The following CYP20A1 variants were observed in gnomAD, a reference collection of about 807,000 sequenced individuals.
CYP20A1 encodes the protein cytochrome P450 20A1.
CYP20A1 carries 61 observed loss-of-function variants against 61.4 expected under a neutral mutation model. The observed-to-expected ratio is 0.99, with a 90% CI of 0.81 to 1.23. CYP20A1 has a LOEUF of 1.23. Among genes scored for constraint, CYP20A1 ranks in the 50% most tolerant of loss-of-function variants. The probability of loss-of-function intolerance (pLI) is 0.00; values close to 1 mark genes in which losing one functional copy is unlikely to be tolerated. For missense variants in CYP20A1, 530 were observed against 542.4 expected, an observed-to-expected ratio of 0.98 and a Z score of 0.23; for synonymous variants, 193 against 188.2, an observed-to-expected ratio of 1.03 and a Z score of -0.21.
intron 6 of CYP20A1, among the ~76,000 whole-genome samples, chr2:203,276,223 T>G (rs1309277806): frequency 6.6e-6 from 1 of 151,896 alleles, no homozygotes; most frequent in East Asian, 1.9e-4. Context: ...ATGAAGTGAG[T>G]GAGAAGAGGA....
rs114580826 is a variant in CYP20A1, at chr2:203,246,600, A to G, written c.123-155A>G. 3.9e-3 allele frequency among the ~76,000 whole-genome samples: 591 copies of G among 152,354 alleles called. 3 individuals are homozygous for G. The highest frequency in any genetic ancestry group is 0.013 in the African/African-American group (542 of 41,582). ...AATATAACTATAGAAATATAGCAAG[A>G]AGGCAAATATAATTGAGTTTTGGAT... is the stretch of plus-strand genomic sequence containing the variant. On this transcript the variant is annotated intron_variant, in intron 2 of 12. Coordinates refer to ENST00000356079, the MANE Select transcript of CYP20A1 (RefSeq NM_177538.3).
intron 8 of CYP20A1, among the ~76,000 whole-genome samples, chr2:203,284,460 A>G (rs536369552): frequency 1.3e-5 from 2 of 152,178 alleles, no homozygotes; most frequent in African/African-American, 4.8e-5. Context: ...TTTTTTCTCA[A>G]CATGTAATTT....
intron 2 of CYP20A1, among the ~76,000 whole-genome samples, chr2:203,246,501 G>C (rs1176301358): frequency 6.6e-6 from 1 of 152,182 alleles, no homozygotes; most frequent in Non-Finnish European, 1.5e-5. Flanking sequence ...ATCTAAGTCG[G>C]ATGTTCCTAT....
chr2:203,289,912 A>C (rs1313815534), intron 10 of CYP20A1, 36 bp downstream of exon 10: 6 of 1,071,978 alleles, frequency 5.6e-6, no homozygotes, highest in South Asian at 2.8e-5. Context: ...TCATTCAGCT[A>C]TTCTCAACTC....
At chr2:203,271,417 T>G (rs2067594342) in intron 5 of CYP20A1, among the ~76,000 whole-genome samples, 1 of 152,078 alleles carries the variant, frequency 6.6e-6, no homozygotes, top group Non-Finnish European at 1.5e-5. Flanking sequence ...ATTTAAGTAA[T>G]CTGAAATATT....
chr2:203,258,263 G>A (rs542603446), intron 4 of CYP20A1, among the ~76,000 whole-genome samples: 2 of 152,104 alleles, frequency 1.3e-5, no homozygotes, highest in Non-Finnish European at 2.9e-5. Flanking sequence ...GCACATGCCT[G>A]TATTCCCAAC....
At chr2:203,272,837 G>A (rs1276015192) in intron 6 of CYP20A1, 89 bp downstream of exon 6, 7 of 715,602 alleles carry the variant, frequency 9.8e-6, no homozygotes, top group Admixed American at 3.3e-5. Flanking sequence ...GAGATTAAAG[G>A]TCATTTATAT....
intron 3 of CYP20A1, among the ~76,000 whole-genome samples, chr2:203,250,412 A>G (rs141247209): frequency 4.7e-4 from 72 of 152,312 alleles, no homozygotes; most frequent in African/African-American, 1.7e-3. Flanking sequence ...CAGAGAGGTT[A>G]AGTTACTTGC....
At chr2:203,271,717 T>A (rs1165979956) in intron 5 of CYP20A1, among the ~76,000 whole-genome samples, 1 of 152,230 alleles carries the variant, frequency 6.6e-6, no homozygotes. Flanking sequence ...CTGTGAATTT[T>A]ATTTTTACAC....
chr2:203,240,815 G>A (rs918319266), intron 1 of CYP20A1, among the ~76,000 whole-genome samples: 3 of 152,304 alleles, frequency 2.0e-5, no homozygotes, highest in East Asian at 3.9e-4. Flanking sequence ...TGACTTGTAA[G>A]GCTTTTTTAA....
chr2:203,243,161 G>A (rs569752115), intron 1 of CYP20A1, among the ~76,000 whole-genome samples: 1 of 152,118 alleles, frequency 6.6e-6, no homozygotes, highest in Non-Finnish European at 1.5e-5. Flanking sequence ...TTTTTGAGAC[G>A]GAGTCTTACT....
At chr2:203,295,955 G>GA (rs1338738037) in intron 11 of CYP20A1, among the ~76,000 whole-genome samples, 42 of 148,706 alleles carry the variant, frequency 2.8e-4, no homozygotes, top group East Asian at 9.9e-4. Context: ...CTCAAAAAAA[G>GA]AAAAAAAAAG....
At position 203,271,509 on chromosome 2, in the gene CYP20A1, G is replaced by A. The variant is rs530600661; in HGVS notation, c.601-1161G>A. Among the ~76,000 whole-genome samples the A allele has an allele frequency of 2.0e-5, 3 of 152,186 alleles. No individual in the cohort carries two copies. The South Asian group carries it at 6.2e-4, about 32-fold the overall frequency. On this transcript the variant is annotated intron_variant, in intron 5 of 12. Transcript: ENST00000356079. ...GTTTAGCCATTGTTTAATAAGTGTTGTGTTCTTTCCCTAAATTCTTTTTAG... is the reference window on the plus strand; with the variant it reads ...GTTTAGCCATTGTTTAATAAGTGTTATGTTCTTTCCCTAAATTCTTTTTAG...
rs2068931831 is a variant in CYP20A1 at position 203,299,329 on chromosome 2, G to A, written c.*2421G>A. On this transcript the variant is annotated 3_prime_UTR_variant, in exon 13 of 13. Transcript: ENST00000356079. ...AGAATATACTCTGGTAGACTGAGGCGGGAGGATCACTTGAGCCCAGGAGTT... is the reference window on the plus strand; with the variant it reads ...AGAATATACTCTGGTAGACTGAGGCAGGAGGATCACTTGAGCCCAGGAGTT... 6.6e-6 allele frequency among the ~76,000 whole-genome samples: 1 copy of A among 151,812 alleles called. No individual in the cohort carries two copies. Among genetic ancestry groups the A allele is most frequent in the South Asian group, 2.1e-4 (1 of 4,812 alleles).
At chr2:203,291,254 A>G (rs1020831547) in intron 10 of CYP20A1, among the ~76,000 whole-genome samples, 6 of 151,960 alleles carry the variant, frequency 3.9e-5, no homozygotes, top group African/African-American at 1.5e-4. Context: ...CCAGGCTGAT[A>G]TGGAACTCCT....
intron 8 of CYP20A1, among the ~76,000 whole-genome samples, chr2:203,280,315 C>A (rs1353863761): frequency 1.3e-5 from 2 of 152,094 alleles, no homozygotes; most frequent in African/African-American, 4.8e-5. Context: ...TGCCTGTAGT[C>A]TCAGCTGCTC....
At chr2:203,295,465 T>A (rs1012818571) in intron 11 of CYP20A1, among the ~76,000 whole-genome samples, 1 of 152,200 alleles carries the variant, frequency 6.6e-6, no homozygotes, top group African/African-American at 2.4e-5. Flanking sequence ...AAATTTCAGT[T>A]GAAGAGGCAA....
chr2:203,262,365 C>G (rs2067167801), intron 4 of CYP20A1, among the ~76,000 whole-genome samples: 1 of 152,060 alleles, frequency 6.6e-6, no homozygotes, highest in African/African-American at 2.4e-5. Context: ...ACCTGCAAGT[C>G]TATTAACAGC....
At chr2:203,283,297 A>C (rs1044073145) in intron 8 of CYP20A1, among the ~76,000 whole-genome samples, 1 of 145,076 alleles carries the variant, frequency 6.9e-6, no homozygotes, top group African/African-American at 2.5e-5. Context: ...GCTCACTGCA[A>C]CCTCCACCTC....
Sources: allele counts gnomAD v4.1 joint callset (sites outside exome capture counted in the v4.1 genomes callset), GRCh38; gene constraint gnomAD v4.1.1; transcripts MANE v1.5; gene names NCBI Gene and HGNC (gene_info 2026-07-23, HGNC 2026-07-21).